Variants in MPP7 observed in about 807,000 individuals in gnomAD.
The protein encoded by MPP7 is MAGUK p55 scaffold protein 7.
Under a neutral mutation model 76.5 loss-of-function variants are expected in MPP7, and 60 were observed. That is an observed-to-expected ratio of 0.78 (90% CI 0.64 to 0.97). The LOEUF (loss-of-function observed/expected upper bound fraction) is 0.97. MPP7 is among the 50% of genes least tolerant of loss of function. MPP7 has a pLI of 0.00. For synonymous variants in MPP7, 237 were observed against 244.5 expected (o/e 0.97, Z 0.29); for missense variants, 641 against 694.0 (o/e 0.92, Z 0.86).
chr10:28,318,160 C>T (rs1039261926), intron 2 of MPP7, among the ~76,000 whole-genome samples: 1 of 152,142 alleles, frequency 6.6e-6, no homozygotes, highest in African/African-American at 2.4e-5. Context: ...ATTTTGTTTA[C>T]CTTGAACTGA....
intron 2 of MPP7, among the ~76,000 whole-genome samples, chr10:28,220,954 G>A (rs1838483692): frequency 6.6e-6 from 1 of 152,140 alleles, no homozygotes; most frequent in African/African-American, 2.4e-5. Flanking sequence ...GCATTTAAGT[G>A]AAAGGAAGGC....
chr10:28,202,562 G>A (rs1314796826), intron 2 of MPP7, among the ~76,000 whole-genome samples: 2 of 152,096 alleles, frequency 1.3e-5, no homozygotes, highest in Admixed American at 1.3e-4. Context: ...TTCAGAAAAA[G>A]AAGAAAACGC....
intron 2 of MPP7, among the ~76,000 whole-genome samples, chr10:28,309,898 C>G (rs1841280009): frequency 6.6e-6 from 1 of 152,018 alleles, no homozygotes; most frequent in African/African-American, 2.4e-5. Flanking sequence ...CCCCTTTCCC[C>G]TTCTGCCATG....
chr10:28,243,918 A>G (rs764222134), intron 1 of MPP7, among the ~76,000 whole-genome samples: 5 of 152,220 alleles, frequency 3.3e-5, no homozygotes, highest in Non-Finnish European at 7.3e-5. Context: ...AATTAATTAA[A>G]CCAATATAAC....
intron 2 of MPP7, among the ~76,000 whole-genome samples, chr10:28,223,265 G>A (rs1027154479): frequency 7.9e-5 from 12 of 152,186 alleles, no homozygotes; most frequent in South Asian, 6.2e-4. Context: ...GCTAGGAAGC[G>A]AGGATGGGCA....
At chr10:28,133,545 T>A (rs1458250191) in intron 5 of MPP7, among the ~76,000 whole-genome samples, 1 of 152,260 alleles carries the variant, frequency 6.6e-6, no homozygotes, top group East Asian at 1.9e-4. Flanking sequence ...ATATTTGCTG[T>A]CTACTGAAAC....
chr10:28,283,921 C>T lies in MPP7; in HGVS notation c.-132+18940G>A, dbSNP rs1400197650. ...AGCCTGTCCCAAAGGATACTTTTAG[C>T]TCCATATGCAAAAATAAGACTAAAT... is the stretch of plus-strand genomic sequence containing the variant. On this transcript the variant is annotated intron_variant, in intron 1 of 16. Transcript: ENST00000683449. Among the ~76,000 whole-genome samples, 7 of 152,294 alleles carry T rather than the reference C, an allele frequency of 4.6e-5. No individual in the cohort carries two copies. In the East Asian group the frequency reaches 1.4e-3, roughly 29 times the overall value.
chr10:28,265,933 ACTCT>A (rs1353342145), intron 1 of MPP7, among the ~76,000 whole-genome samples: 1 of 151,864 alleles, frequency 6.6e-6, no homozygotes. Flanking sequence ...GATTTACAAG[ACTCT>A]CTCATCTGAC....
chr10:28,264,573 CT>C (rs760311602), intron 1 of MPP7, among the ~76,000 whole-genome samples: 1,899 of 135,318 alleles, frequency 0.014, 11 homozygotes, highest in African/African-American at 0.022. Context: ...CCTCAGGGAG[CT>C]TTTTTTTTTT....
chr10:28,329,418 G>A (rs1237445520), intron 2 of MPP7, among the ~76,000 whole-genome samples: 1 of 151,990 alleles, frequency 6.6e-6, no homozygotes, highest in Non-Finnish European at 1.5e-5. Context: ...CACGAGGTCA[G>A]GAGATGGAAA....
At chr10:28,193,849 C>T (rs1837492213) in intron 3 of MPP7, among the ~76,000 whole-genome samples, 1 of 148,326 alleles carries the variant, frequency 6.7e-6, no homozygotes, top group Non-Finnish European at 1.5e-5. Flanking sequence ...TAATGAGATA[C>T]TACTATACAC....
intron 2 of MPP7, among the ~76,000 whole-genome samples, chr10:28,329,472 C>CA (rs1324546644): frequency 1.3e-5 from 2 of 151,536 alleles, no homozygotes; most frequent in Non-Finnish European, 2.9e-5. Flanking sequence ...ACTAAAAATA[C>CA]AAAAAAATTA....
chr10:28,194,472 T>C (rs984638189), intron 3 of MPP7, among the ~76,000 whole-genome samples: 10 of 152,206 alleles, frequency 6.6e-5, no homozygotes, highest in African/African-American at 2.4e-4. Flanking sequence ...GCAATGAACA[T>C]GCCCTTCAAA....
chr10:28,098,818 T>C (rs1853685108), intron 11 of MPP7, among the ~76,000 whole-genome samples: 1 of 151,044 alleles, frequency 6.6e-6, no homozygotes, highest in Non-Finnish European at 1.5e-5. Context: ...AAAGCAAAAA[T>C]CATGGAAAAG....
At chr10:28,161,366 T>C (rs1011695034) in intron 3 of MPP7, among the ~76,000 whole-genome samples, 2 of 149,692 alleles carry the variant, frequency 1.3e-5, no homozygotes, top group African/African-American at 4.9e-5. Flanking sequence ...CCGCAGGTTT[T>C]ATATAATACA....
chr10:28,101,818 G>C (rs1316543147), intron 11 of MPP7, among the ~76,000 whole-genome samples: 1 of 151,670 alleles, frequency 6.6e-6, no homozygotes, highest in Non-Finnish European at 1.5e-5. Flanking sequence ...TAGGAAAAAG[G>C]AGAATTTTTA....
intron 2 of MPP7, among the ~76,000 whole-genome samples, chr10:28,310,667 C>T (rs187687019): frequency 3.3e-5 from 5 of 152,258 alleles, no homozygotes; most frequent in Non-Finnish European, 7.4e-5. Flanking sequence ...CACTGAGATG[C>T]TAATTCAATG....
At chr10:28,276,795 C>T (rs1335147435) in intron 1 of MPP7, among the ~76,000 whole-genome samples, 1 of 152,028 alleles carries the variant, frequency 6.6e-6, no homozygotes, top group Non-Finnish European at 1.5e-5. Flanking sequence ...ATGTGAAGAA[C>T]AATGGGATCT....
intron 1 of MPP7, among the ~76,000 whole-genome samples, chr10:28,270,778 G>GTAA (rs1186622130): frequency 2.0e-5 from 3 of 152,192 alleles, no homozygotes; most frequent in African/African-American, 7.2e-5. Context: ...ACCTCTGGCT[G>GTAA]TAATGCCTAG....
Sources: gnomAD v4.1 joint callset for allele counts (sites outside exome capture counted in the v4.1 genomes callset) on GRCh38, gnomAD v4.1.1 for gene constraint, MANE v1.5 for transcripts, NCBI Gene and HGNC (gene_info 2026-07-23, HGNC 2026-07-21) for gene names.